FAM114A1: variants seen among roughly 807,000 people sequenced by gnomAD.
FAM114A1 encodes the protein protein NOXP20.
In FAM114A1, 62 loss-of-function variants were observed where a neutral mutation model predicts 64.3. That is an observed-to-expected ratio of 0.96 (90% CI 0.79 to 1.19). The LOEUF (loss-of-function observed/expected upper bound fraction) is 1.19, where lower values mean the gene tolerates loss of function less well. Ranked by LOEUF, FAM114A1 falls within the 50% of genes most tolerant of loss-of-function variation. FAM114A1 has a pLI of 0.00. For missense variants in FAM114A1, 645 were observed against 676.3 expected, an observed-to-expected ratio of 0.95 and a Z score of 0.51; for synonymous variants, 254 against 251.1, an observed-to-expected ratio of 1.01 and a Z score of -0.11.
chr4:38,935,658 A>G, intron 12 of FAM114A1, 60 bp from the exon 13 acceptor site: 1 of 1,208,612 alleles, frequency 8.3e-7, no homozygotes, highest in Admixed American at 2.2e-5. Context: ...AATGGTCGTG[A>G]CAGTTAAATT....
At chr4:38,900,945 C>T (rs1349736436) in intron 4 of FAM114A1, among the ~76,000 whole-genome samples, 1 of 109,920 alleles carries the variant, frequency 9.1e-6, no homozygotes, top group Non-Finnish European at 2.0e-5. Context: ...TGCATTTTAC[C>T]ACAAAAAAAA....
intron 8 of FAM114A1, among the ~76,000 whole-genome samples, chr4:38,922,007 T>C (rs941511244): frequency 2.6e-5 from 4 of 152,222 alleles, no homozygotes; most frequent in Admixed American, 2.0e-4. Flanking sequence ...AGTGGCGCGA[T>C]CTCGGCTCAC....
chr4:38,882,215 G>A (rs1157022220), intron 3 of FAM114A1, among the ~76,000 whole-genome samples: 14 of 144,592 alleles, frequency 9.7e-5, no homozygotes, highest in Non-Finnish European at 2.0e-4. Context: ...GGGAGGCTGA[G>A]GCAGGAGAAT....
At chr4:38,889,863 T>TGGCTG (rs1205209729) in intron 3 of FAM114A1, among the ~76,000 whole-genome samples, 1 of 152,152 alleles carries the variant, frequency 6.6e-6, no homozygotes, top group Non-Finnish European at 1.5e-5. Context: ...GGCAGCTACT[T>TGGCTG]ATGTTGGTTT....
At chr4:38,938,881 G>A (rs1721329427) in intron 13 of FAM114A1, among the ~76,000 whole-genome samples, 1 of 152,148 alleles carries the variant, frequency 6.6e-6, no homozygotes. Flanking sequence ...GTGCATGTTT[G>A]TATTATATTT....
chr4:38,922,192 G>A (rs901790317), intron 8 of FAM114A1, among the ~76,000 whole-genome samples: 14 of 151,984 alleles, frequency 9.2e-5, no homozygotes, highest in East Asian at 1.9e-4. Context: ...CGCCTGCCTC[G>A]GCCTCCCAAA....
intron 7 of FAM114A1, among the ~76,000 whole-genome samples, chr4:38,911,662 C>T (rs1057109668): frequency 6.6e-6 from 1 of 152,140 alleles, no homozygotes; most frequent in African/African-American, 2.4e-5. Flanking sequence ...AGGGATGGCT[C>T]CAAGGTCTTT....
At chr4:38,942,373 A>C (rs554274713) in intron 14 of FAM114A1, among the ~76,000 whole-genome samples, 7 of 152,176 alleles carry the variant, frequency 4.6e-5, no homozygotes, top group Non-Finnish European at 1.0e-4. Context: ...GGCATCAGCC[A>C]GAAGGAATAG....
Position 38,923,711 on chromosome 4 carries a change from G to A in FAM114A1, c.1069+818G>A, listed in dbSNP as rs190176934. The stretch of plus-strand genomic sequence containing the variant: ...AAAAAGTTCAGTTCTGACAAAGTCT[G>A]TACCATTTTCTGACAGTGCACCAGG... On this transcript the variant is annotated intron_variant, in intron 9 of 14. Coordinates refer to ENST00000358869, the MANE Select transcript of FAM114A1 (RefSeq NM_138389.4). Among the ~76,000 whole-genome samples, 91 of 152,286 alleles carry A rather than the reference G, an allele frequency of 6.0e-4. No individual in the cohort carries two copies. In the Middle Eastern group the frequency reaches 0.034, roughly 57 times the overall value.
At chr4:38,901,818 A>G (rs112834090) in intron 4 of FAM114A1, among the ~76,000 whole-genome samples, 49 of 152,302 alleles carry the variant, frequency 3.2e-4, no homozygotes, top group African/African-American at 1.1e-3. Context: ...CCTGCACAGC[A>G]CAGGGATGAT....
At chr4:38,881,993 T>A (rs1715316273) in intron 3 of FAM114A1, among the ~76,000 whole-genome samples, 1 of 152,204 alleles carries the variant, frequency 6.6e-6, no homozygotes, top group African/African-American at 2.4e-5. Flanking sequence ...CTACACCTGA[T>A]AAATTCTCAT....
At position 38,867,982 on chromosome 4, in the gene FAM114A1, G is replaced by C. The variant is rs527334893; in HGVS notation, c.-158+148G>C. The C allele has an allele frequency of 2.3e-5, 9 of 386,996 alleles. No homozygotes were observed. The East Asian group carries it at 3.5e-4, about 15-fold the overall frequency. 24.0% of individuals were successfully genotyped at this position (386,996 alleles called of 1,614,324 possible). On this transcript the variant is annotated intron_variant, in intron 1 of 14. Coordinates refer to ENST00000358869, the MANE Select transcript of FAM114A1 (RefSeq NM_138389.4). Reference sequence around the variant, plus strand: ...GCCCTCTGCGTTAGTGAGAAGCAGTGGTCAGGGAGGACCCGGCTCTGGGGT... The same window carrying C: ...GCCCTCTGCGTTAGTGAGAAGCAGTCGTCAGGGAGGACCCGGCTCTGGGGT...
At chr4:38,921,336 C>T (rs920535948) in intron 8 of FAM114A1, among the ~76,000 whole-genome samples, 1 of 152,168 alleles carries the variant, frequency 6.6e-6, no homozygotes, top group African/African-American at 2.4e-5. Context: ...TAGTTCACTG[C>T]AGCCTCAAAC....
intron 3 of FAM114A1, among the ~76,000 whole-genome samples, chr4:38,885,529 G>A (rs1487090790): frequency 5.3e-5 from 8 of 152,068 alleles, no homozygotes; most frequent in Non-Finnish European, 1.2e-4. Context: ...CTCCTGCCTC[G>A]GCCTCCCAAA....
At chr4:38,922,005 G>T (rs147121097) in intron 8 of FAM114A1, among the ~76,000 whole-genome samples, 1 of 152,100 alleles carries the variant, frequency 6.6e-6, no homozygotes, top group Non-Finnish European at 1.5e-5. Flanking sequence ...GCAGTGGCGC[G>T]ATCTCGGCTC....
chr4:38,921,317 G>A (rs1240591749), intron 8 of FAM114A1, among the ~76,000 whole-genome samples: 1 of 152,106 alleles, frequency 6.6e-6, no homozygotes, highest in Non-Finnish European at 1.5e-5. Flanking sequence ...GAGTGCAGTG[G>A]CACAATCATA....
chr4:38,932,980 A>C (rs1041135079), intron 12 of FAM114A1, among the ~76,000 whole-genome samples: 2 of 149,518 alleles, frequency 1.3e-5, no homozygotes, highest in African/African-American at 4.9e-5. Flanking sequence ...CAGCCTCCCG[A>C]GTAGCTGGGA....
chr4:38,877,939 A>G (rs1296465448), intron 2 of FAM114A1, 132 bp from the exon 3 acceptor site: 33 of 720,924 alleles, frequency 4.6e-5, no homozygotes, highest in Non-Finnish European at 6.6e-5. Context: ...ACTCCAGCCT[A>G]GGCAACAAGA....
intron 3 of FAM114A1, among the ~76,000 whole-genome samples, chr4:38,879,651 C>G (rs1386292776): frequency 1.4e-5 from 2 of 147,710 alleles, no homozygotes; most frequent in Non-Finnish European, 3.0e-5. Context: ...AAAAGCTGAA[C>G]AGTCATTTTG....
Sources: gnomAD v4.1 joint callset for allele counts (sites outside exome capture counted in the v4.1 genomes callset) on GRCh38, gnomAD v4.1.1 for gene constraint, MANE v1.5 for transcripts, NCBI Gene and HGNC (gene_info 2026-07-23, HGNC 2026-07-21) for gene names.